CACNA2D3: variants seen among roughly 807,000 people sequenced by gnomAD.
CACNA2D3 encodes voltage-dependent calcium channel subunit alpha-2/delta-3.
CACNA2D3 carries 60 observed loss-of-function variants against 160.6 expected under a neutral mutation model. The observed-to-expected ratio is 0.37, with a 90% CI of 0.30 to 0.46. The LOEUF (loss-of-function observed/expected upper bound fraction) is 0.46. Ranked by LOEUF, CACNA2D3 falls within the 20% of genes least tolerant of loss-of-function variation. The pLI, the probability that CACNA2D3 is intolerant of heterozygous loss-of-function variation, is 1.00. For missense variants in CACNA2D3, 1,205 were observed against 1,365.0 expected (o/e 0.88, Z 1.85); for synonymous variants, 558 against 492.9 (o/e 1.13, Z -1.75).
At chr3:54,229,336 T>G (rs532951863) in intron 2 of CACNA2D3, among the ~76,000 whole-genome samples, 1 of 151,990 alleles carries the variant, frequency 6.6e-6, no homozygotes, top group Non-Finnish European at 1.5e-5. Flanking sequence ...GGACTACAGG[T>G]GCCTGCCACC....
At chr3:55,053,981 TTCTG>T (rs1194664677) in intron 35 of CACNA2D3, among the ~76,000 whole-genome samples, 1 of 151,950 alleles carries the variant, frequency 6.6e-6, no homozygotes, top group Admixed American at 6.6e-5. Context: ...CCTCTTTTTT[TTCTG>T]TCTTTTATAT....
At chr3:54,695,306 CCACA>C (rs1464346435) in intron 11 of CACNA2D3, among the ~76,000 whole-genome samples, 1 of 152,136 alleles carries the variant, frequency 6.6e-6, no homozygotes, top group African/African-American at 2.4e-5. Context: ...GCATGAGCCA[CCACA>C]CCTGGCTGAA....
At chr3:54,389,140 C>G (rs1464627296) in intron 4 of CACNA2D3, among the ~76,000 whole-genome samples, 1 of 151,886 alleles carries the variant, frequency 6.6e-6, no homozygotes, top group Non-Finnish European at 1.5e-5. Context: ...ACTAAAAATA[C>G]AAAAATTAGC....
At chr3:54,681,192 T>C (rs1050578906) in intron 11 of CACNA2D3, among the ~76,000 whole-genome samples, 13 of 151,546 alleles carry the variant, frequency 8.6e-5, no homozygotes, top group Non-Finnish European at 1.6e-4. Flanking sequence ...ACCATATCTC[T>C]CAAGTCTATT....
At chr3:54,714,672 G>C (rs1428631093) in intron 11 of CACNA2D3, among the ~76,000 whole-genome samples, 1 of 152,138 alleles carries the variant, frequency 6.6e-6, no homozygotes, top group Non-Finnish European at 1.5e-5. Flanking sequence ...TTCCTCACTA[G>C]ACCACCTCTT....
At chr3:54,387,277 T>G (rs1699204388) in intron 4 of CACNA2D3, among the ~76,000 whole-genome samples, 1 of 152,244 alleles carries the variant, frequency 6.6e-6, no homozygotes, top group Admixed American at 6.5e-5. Flanking sequence ...GATCCTGACA[T>G]GACTATGTCT....
chr3:54,820,967 G>A lies in CACNA2D3; in HGVS notation c.1398+4097G>A, dbSNP rs144675185. On this transcript the variant is annotated intron_variant, in intron 14 of 37. Coordinates refer to ENST00000474759, the MANE Select transcript of CACNA2D3 (RefSeq NM_018398.3). The stretch of plus-strand genomic sequence containing the variant: ...CTGCAGGATTAATTTAATCAATGTA[G>A]GTTTAATCAACGTAGAGTGGGCCCG... 7.5e-3 allele frequency among the ~76,000 whole-genome samples: 1,143 copies of A among 152,196 alleles called. 18 individuals carry two copies. Among genetic ancestry groups the A allele is most frequent in the Non-Finnish European group, 8.3e-3 (563 of 68,008 alleles).
At chr3:54,189,992 T>C (rs536075578) in intron 2 of CACNA2D3, among the ~76,000 whole-genome samples, 1 of 152,336 alleles carries the variant, frequency 6.6e-6, no homozygotes, top group East Asian at 1.9e-4. Context: ...CTGAGTAGCT[T>C]ATAAACAACA....
At chr3:54,993,782 T>G (rs1702790901) in intron 31 of CACNA2D3, among the ~76,000 whole-genome samples, 1 of 151,800 alleles carries the variant, frequency 6.6e-6, no homozygotes, top group Non-Finnish European at 1.5e-5. Flanking sequence ...TGCCAGGAAA[T>G]GGACTGCTCT....
intron 5 of CACNA2D3, among the ~76,000 whole-genome samples, chr3:54,546,215 A>T (rs979724678): frequency 6.6e-6 from 1 of 152,236 alleles, no homozygotes. Flanking sequence ...GCAGAAAAGA[A>T]ATAAAGACAG....
chr3:55,021,267 C>G (rs147246747), intron 35 of CACNA2D3, among the ~76,000 whole-genome samples: 114 of 152,120 alleles, frequency 7.5e-4, no homozygotes, highest in African/African-American at 2.6e-3. Context: ...CCTGTTTCAT[C>G]TCATTTTTCG....
intron 5 of CACNA2D3, among the ~76,000 whole-genome samples, chr3:54,503,858 C>A (rs979068459): frequency 6.6e-6 from 1 of 152,140 alleles, no homozygotes; most frequent in Admixed American, 6.5e-5. Flanking sequence ...GTTTCTCTGG[C>A]TGGTTGTTTA....
chr3:54,122,600 G>C lies in CACNA2D3; in HGVS notation c.-114G>C, dbSNP rs1368132218. 1.7e-6 allele frequency: 1 copy of C among 581,174 alleles called. No homozygotes were observed. The allele number at this position is 581,174 out of a possible 1,614,324, so 36.0% of individuals were successfully genotyped here. A position where few individuals can be genotyped will look rare whatever the true frequency, so the allele number is the denominator to read the frequency against. On this transcript the variant is annotated 5_prime_UTR_variant, in exon 1 of 38. Coordinates refer to ENST00000474759, the MANE Select transcript of CACNA2D3 (RefSeq NM_018398.3). ...GAGCCGGGCGCGCGAGAGGCAGGCG[G>C]GGCGGCGCGGAGCGGAGCAGGCAGC...
At chr3:55,060,439 C>G (rs1436606110) in intron 35 of CACNA2D3, among the ~76,000 whole-genome samples, 1 of 152,122 alleles carries the variant, frequency 6.6e-6, no homozygotes, top group African/African-American at 2.4e-5. Context: ...TCAAGCAGGT[C>G]TAGCTCTGTA....
At chr3:54,251,782 A>T (rs1397981112) in intron 2 of CACNA2D3, among the ~76,000 whole-genome samples, 1 of 152,240 alleles carries the variant, frequency 6.6e-6, no homozygotes, top group Admixed American at 6.5e-5. Flanking sequence ...GACATGGAGC[A>T]GCGTTAGTAA....
intron 9 of CACNA2D3, among the ~76,000 whole-genome samples, chr3:54,610,189 T>C (rs1698721737): frequency 6.6e-6 from 1 of 152,192 alleles, no homozygotes; most frequent in Non-Finnish European, 1.5e-5. Flanking sequence ...TTAATTACGT[T>C]AGTAATGGCC....
intron 2 of CACNA2D3, among the ~76,000 whole-genome samples, chr3:54,278,421 A>T (rs756741496): frequency 1.3e-5 from 2 of 152,208 alleles, no homozygotes; most frequent in South Asian, 4.1e-4. Context: ...TGTGGAAGTC[A>T]GTGTGGTGAT....
At chr3:54,417,160 C>T (rs1212882203) in intron 4 of CACNA2D3, among the ~76,000 whole-genome samples, 1 of 152,178 alleles carries the variant, frequency 6.6e-6, no homozygotes, top group Admixed American at 6.5e-5. Flanking sequence ...CTAACGTTAT[C>T]ATCTTGGAAT....
chr3:54,421,202 C>G (rs2106750768), intron 4 of CACNA2D3, among the ~76,000 whole-genome samples: 1 of 152,308 alleles, frequency 6.6e-6, no homozygotes, highest in East Asian at 1.9e-4. Context: ...GGCAGCATTT[C>G]TATACCAAGG....
Sources: gnomAD v4.1 joint callset for allele counts (sites outside exome capture counted in the v4.1 genomes callset) on GRCh38, gnomAD v4.1.1 for gene constraint, MANE v1.5 for transcripts, NCBI Gene and HGNC (gene_info 2026-07-23, HGNC 2026-07-21) for gene names.